Variants in C8orf34 observed in about 807,000 individuals in gnomAD.
C8orf34 encodes the protein chromosome 8 open reading frame 34, also known as uncharacterized protein C8orf34.
A neutral mutation model predicts 68.3 loss-of-function variants in C8orf34; 65 were observed. The observed-to-expected ratio is 0.95, with a 90% CI of 0.78 to 1.17. The LOEUF (loss-of-function observed/expected upper bound fraction) is 1.17. Among genes scored for constraint, C8orf34 ranks in the 50% most tolerant of loss-of-function variants. The probability of loss-of-function intolerance (pLI) is 0.00; values close to 1 mark genes in which losing one functional copy is unlikely to be tolerated. For missense variants in C8orf34, 664 were observed against 655.4 expected (o/e 1.01, Z -0.14); for synonymous variants, 244 against 241.2 (o/e 1.01, Z -0.11).
chr8:68,627,211 C>A, intron 7 of C8orf34, among the ~76,000 whole-genome samples: 1 of 152,108 alleles, frequency 6.6e-6, no homozygotes, highest in African/African-American at 2.4e-5. Context: ...GAACGTTCTG[C>A]CTGACTTTCC....
chr8:68,742,050 T>C lies in C8orf34; in HGVS notation c.1404+20613T>C, dbSNP rs1223385112. Among the ~76,000 whole-genome samples, 5 of 152,308 alleles carry C rather than the reference T, an allele frequency of 3.3e-5. No homozygotes were observed. The East Asian group carries it at 9.7e-4, about 29-fold the overall frequency. Reference sequence around the variant, plus strand: ...GCCTGTGGCCATACCTGTAACCTTATCATAACCTAGTTTTATTCTTCTTCT... The same window carrying C: ...GCCTGTGGCCATACCTGTAACCTTACCATAACCTAGTTTTATTCTTCTTCT... On this transcript the variant is annotated intron_variant, in intron 10 of 13. Coordinates refer to ENST00000518698, the MANE Select transcript of C8orf34 (RefSeq NM_052958.4).
chr8:68,619,787 A>T lies in C8orf34; in HGVS notation c.1106-20589A>T, dbSNP rs532340238. The stretch of plus-strand genomic sequence containing the variant: ...AAGCTCCTCAGAGGTTTAATTATAA[A>T]TCATAGTCACAATTTAGCAAAATAC... On this transcript the variant is annotated intron_variant, in intron 7 of 13. Coordinates refer to ENST00000518698, the MANE Select transcript of C8orf34 (RefSeq NM_052958.4). Among the ~76,000 whole-genome samples, 18 of 152,278 alleles carry T rather than the reference A, an allele frequency of 1.2e-4. No individual in the cohort carries two copies. The East Asian group carries it at 3.5e-3, about 29-fold the overall frequency.
chr8:68,623,493 C>T (rs962688379), intron 7 of C8orf34, among the ~76,000 whole-genome samples: 3 of 152,220 alleles, frequency 2.0e-5, no homozygotes, highest in Admixed American at 6.5e-5. Context: ...AAAAATCACC[C>T]GTGGTTGACA....
chr8:68,381,856 A>G (rs977883370), intron 1 of C8orf34, among the ~76,000 whole-genome samples: 14 of 152,144 alleles, frequency 9.2e-5, no homozygotes, highest in African/African-American at 3.4e-4. Context: ...TAGATTAAAA[A>G]CAGAAAGTAA....
chr8:68,400,118 T>G (rs77608031), intron 1 of C8orf34, among the ~76,000 whole-genome samples: 1 of 152,160 alleles, frequency 6.6e-6, no homozygotes, highest in East Asian at 1.9e-4. Context: ...TGGCAAGCTG[T>G]CTATTCACTC....
chr8:68,534,937 G>A (rs1453852861), intron 7 of C8orf34: 1 of 985,224 alleles, frequency 1.0e-6, no homozygotes, highest in African/African-American at 1.7e-5. Context: ...AGACATTTTA[G>A]CCTGTGGTCT....
chr8:68,577,737 G>T (rs1816947345), intron 7 of C8orf34, among the ~76,000 whole-genome samples: 1 of 151,838 alleles, frequency 6.6e-6, no homozygotes, highest in Non-Finnish European at 1.5e-5. Context: ...AGAAAAAAAT[G>T]ATGTAGGCTA....
At chr8:68,732,650 G>GT (rs1303716692) in intron 10 of C8orf34, among the ~76,000 whole-genome samples, 6 of 152,048 alleles carry the variant, frequency 3.9e-5, no homozygotes, top group Non-Finnish European at 7.4e-5. Flanking sequence ...ATTTTATACA[G>GT]TTTTTTCTCT....
At chr8:68,751,121 A>G (rs551945388) in intron 10 of C8orf34, among the ~76,000 whole-genome samples, 1 of 152,194 alleles carries the variant, frequency 6.6e-6, no homozygotes, top group Non-Finnish European at 1.5e-5. Context: ...GAGGGACTCT[A>G]TTATTGAATA....
chr8:68,578,114 G>C (rs998870092), intron 7 of C8orf34, among the ~76,000 whole-genome samples: 1 of 151,906 alleles, frequency 6.6e-6, no homozygotes, highest in Non-Finnish European at 1.5e-5. Flanking sequence ...GGAACGAAGC[G>C]AGAGAAGGAA....
At chr8:68,511,901 C>T (rs1348471480) in intron 5 of C8orf34, among the ~76,000 whole-genome samples, 1 of 152,164 alleles carries the variant, frequency 6.6e-6, no homozygotes, top group Non-Finnish European at 1.5e-5. Context: ...AAGCAAAAGT[C>T]AAAAAGGTTG....
intron 3 of C8orf34, among the ~76,000 whole-genome samples, chr8:68,466,207 A>G (rs906791095): frequency 2.6e-5 from 4 of 151,934 alleles, no homozygotes; most frequent in African/African-American, 9.7e-5. Flanking sequence ...TGAAAGATAG[A>G]TAACAGTGAC....
chr8:68,472,167 A>G (rs987257669), intron 4 of C8orf34, among the ~76,000 whole-genome samples: 5 of 152,154 alleles, frequency 3.3e-5, no homozygotes, highest in Admixed American at 2.0e-4. Context: ...AATGATTCCA[A>G]CAGTGGCTTG....
At chr8:68,535,348 C>G (rs892251522) in intron 7 of C8orf34, 2 of 983,364 alleles carry the variant, frequency 2.0e-6, no homozygotes, top group African/African-American at 3.5e-5. Flanking sequence ...AAATGTTTAA[C>G]TTGTCTTTGT....
At position 68,815,879 on chromosome 8, in the gene C8orf34, T is replaced by C; in HGVS notation, c.1550-7T>C. ...GGCATATTATCTCTGTTTCTTTTGT[T>C]GTGCAGGTTCCGCTGATCTTCTTCT... On this transcript the variant is annotated splice_region_variant and splice_polypyrimidine_tract_variant and intron_variant, in intron 12 of 13. Transcript: ENST00000518698. 17 of 1,613,828 alleles carry C rather than the reference T, an allele frequency of 1.1e-5. No homozygotes were observed. The highest frequency in any genetic ancestry group is 1.4e-5 in the Non-Finnish European group (17 of 1,179,724).
At chr8:68,758,858 A>C (rs111577342) in intron 10 of C8orf34, among the ~76,000 whole-genome samples, 1,858 of 152,120 alleles carry the variant, frequency 0.012, 31 homozygotes, top group African/African-American at 0.043. Flanking sequence ...TCAATGGATA[A>C]AAATTGTTCT....
intron 7 of C8orf34, among the ~76,000 whole-genome samples, chr8:68,607,521 T>G (rs1239357406): frequency 6.6e-6 from 1 of 152,154 alleles, no homozygotes; most frequent in Non-Finnish European, 1.5e-5. Flanking sequence ...GACCTAATTT[T>G]ATCTTTACTT....
rs143849474 is a variant in C8orf34 at position 68,459,904 on chromosome 8, G to A, written c.608-8788G>A. 2.1e-3 allele frequency among the ~76,000 whole-genome samples: 318 copies of A among 152,256 alleles called. 3 individuals carry two copies. The East Asian group carries it at 0.03, about 14-fold the overall frequency. On this transcript the variant is annotated intron_variant, in intron 3 of 13. Coordinates refer to ENST00000518698, the MANE Select transcript of C8orf34 (RefSeq NM_052958.4). ...TTCTGCATTTCCATCAGAGGTACCG[G>A]GTTCACCTCACTAGGGAGTATCAGA... is the stretch of plus-strand genomic sequence containing the variant.
At chr8:68,533,689 A>G (rs1436280756) in intron 7 of C8orf34, 1 of 958,780 alleles carries the variant, frequency 1.0e-6, no homozygotes, top group Non-Finnish European at 1.2e-6. Context: ...ATGAAACCTT[A>G]TTAATCTTGT....
Sources: gnomAD v4.1 joint callset for allele counts (sites outside exome capture counted in the v4.1 genomes callset) on GRCh38, gnomAD v4.1.1 for gene constraint, MANE v1.5 for transcripts, NCBI Gene and HGNC (gene_info 2026-07-23, HGNC 2026-07-21) for gene names.